Variants in GRM3 observed in about 807,000 individuals in gnomAD.
The protein encoded by GRM3 is metabotropic glutamate receptor 3.
In GRM3, 26 loss-of-function variants were observed where a neutral mutation model predicts 70.5. The observed-to-expected ratio is 0.37, with a 90% CI of 0.27 to 0.51. The LOEUF (loss-of-function observed/expected upper bound fraction) is 0.51, where lower values mean the gene tolerates loss of function less well. Among genes scored for constraint, GRM3 ranks in the 20% least tolerant of loss-of-function variants. The probability of loss-of-function intolerance (pLI) is 0.93; values close to 1 mark genes in which losing one functional copy is unlikely to be tolerated. For synonymous variants in GRM3, 443 were observed against 434.9 expected (o/e 1.02, Z -0.23); for missense variants, 859 against 1,123.8 (o/e 0.76, Z 3.37).
intron 2 of GRM3, among the ~76,000 whole-genome samples, chr7:86,778,101 A>C (rs982273194): frequency 3.9e-5 from 6 of 152,224 alleles, no homozygotes; most frequent in African/African-American, 1.4e-4. Context: ...AACAGCCCCA[A>C]AAAGATAGGT....
intron 1 of GRM3, among the ~76,000 whole-genome samples, chr7:86,736,265 T>C (rs1423580916): frequency 6.6e-6 from 1 of 152,184 alleles, no homozygotes; most frequent in Non-Finnish European, 1.5e-5. Context: ...CAAAGTGATC[T>C]TCAGGGGCCA....
At chr7:86,811,058 A>G (rs1043051852) in intron 3 of GRM3, among the ~76,000 whole-genome samples, 2 of 151,898 alleles carry the variant, frequency 1.3e-5, no homozygotes, top group African/African-American at 4.8e-5. Context: ...ATTTCCCAAA[A>G]CATCAATTTT....
chr7:86,728,717 G>C (rs888135795), intron 1 of GRM3, among the ~76,000 whole-genome samples: 3 of 152,116 alleles, frequency 2.0e-5, no homozygotes, highest in African/African-American at 7.2e-5. Flanking sequence ...GCCACACACA[G>C]AGCAGGGCAT....
chr7:86,688,024 T>C (rs900583452), intron 1 of GRM3, among the ~76,000 whole-genome samples: 2 of 151,516 alleles, frequency 1.3e-5, no homozygotes, highest in African/African-American at 4.8e-5. Context: ...TTAAAAGAGC[T>C]GAATCAGTGA....
At chr7:86,841,514 A>G (rs1224330752) in intron 4 of GRM3, among the ~76,000 whole-genome samples, 1 of 152,134 alleles carries the variant, frequency 6.6e-6, no homozygotes, top group East Asian at 1.9e-4. Flanking sequence ...TTGTCTTTAT[A>G]TATACATCTA....
chr7:86,844,098 G>C (rs976077379), intron 4 of GRM3, among the ~76,000 whole-genome samples: 10 of 152,110 alleles, frequency 6.6e-5, no homozygotes, highest in Non-Finnish European at 8.8e-5. Context: ...ACCTAGAGTA[G>C]GCAGAGTCTT....
chr7:86,686,006 A>G (rs7794411), intron 1 of GRM3, among the ~76,000 whole-genome samples: 18,824 of 152,110 alleles, frequency 0.12, 1,253 homozygotes, highest in African/African-American at 0.17. Context: ...TATCTGGCAA[A>G]TAATGAATGC....
chr7:86,765,464 G>A lies in GRM3; in HGVS notation c.319G>A (p.Glu107Lys), dbSNP rs2116416584. The A allele has an allele frequency of 1.2e-6, 2 of 1,613,910 alleles. No homozygotes were observed. Among genetic ancestry groups the A allele is most frequent in the Non-Finnish European group, 1.7e-6 (2 of 1,179,870 alleles). ...DTCSRDTYAL[E>K]QSLEFVRASL... ...ATGTTCAAGGGATACCTATGCATTG[G>A]AGCAATCACTGGAGTTTGTCAGGGC... is the stretch of plus-strand genomic sequence containing the variant. Residue 107 changes from glutamate to lysine, a missense_variant, in exon 2 of 6, where the codon GAG (glutamate) becomes AAG (lysine). Coordinates refer to ENST00000361669, the MANE Select transcript of GRM3 (RefSeq NM_000840.3).
chr7:86,680,596 AT>A (rs1217494698), intron 1 of GRM3, among the ~76,000 whole-genome samples: 1 of 152,114 alleles, frequency 6.6e-6, no homozygotes, highest in East Asian at 1.9e-4. Context: ...ACAAAAGGAC[AT>A]TTTGTCCTTA....
intron 1 of GRM3, among the ~76,000 whole-genome samples, chr7:86,662,047 C>T (rs1386381481): frequency 6.6e-6 from 1 of 151,776 alleles, no homozygotes. Flanking sequence ...TAGTTGCAAG[C>T]ACACAAACTG....
intron 1 of GRM3, among the ~76,000 whole-genome samples, chr7:86,709,253 C>T (rs7795055): frequency 0.28 from 42,359 of 151,760 alleles, 7,810 homozygotes; most frequent in East Asian, 0.72. Context: ...TTAAGGTCCC[C>T]GTAACCGCAA....
chr7:86,833,789 A>C (rs1357430257), intron 3 of GRM3, among the ~76,000 whole-genome samples: 1 of 152,202 alleles, frequency 6.6e-6, no homozygotes, highest in Non-Finnish European at 1.5e-5. Flanking sequence ...TCTTTATTAC[A>C]AGCTAAGGAG....
chr7:86,783,920 C>A (rs1363355457), intron 2 of GRM3, among the ~76,000 whole-genome samples: 2 of 152,194 alleles, frequency 1.3e-5, no homozygotes, highest in East Asian at 3.8e-4. Context: ...TTTCAACTCA[C>A]CAAATGTGCC....
intron 1 of GRM3, among the ~76,000 whole-genome samples, chr7:86,673,240 C>G (rs1008775250): frequency 4.6e-5 from 7 of 152,166 alleles, no homozygotes; most frequent in Admixed American, 1.3e-4. Flanking sequence ...TAAAGACTTT[C>G]CTCTCTACTC....
chr7:86,826,255 G>T (rs1360329346), intron 3 of GRM3, among the ~76,000 whole-genome samples: 1 of 152,168 alleles, frequency 6.6e-6, no homozygotes, highest in African/African-American at 2.4e-5. Context: ...AATTAAATGG[G>T]AGAAAATTTG....
At chr7:86,756,383 T>C (rs1796345120) in intron 1 of GRM3, among the ~76,000 whole-genome samples, 1 of 152,130 alleles carries the variant, frequency 6.6e-6, no homozygotes, top group Non-Finnish European at 1.5e-5. Flanking sequence ...CTGGCCCTCC[T>C]CTAGCATTTC....
chr7:86,745,075 G>A (rs559764909), intron 1 of GRM3, among the ~76,000 whole-genome samples: 5 of 152,088 alleles, frequency 3.3e-5, no homozygotes, highest in East Asian at 1.9e-4. Context: ...GTTACCTTAC[G>A]GAAATTTCCC....
At chr7:86,678,266 T>C (rs1794354397) in intron 1 of GRM3, among the ~76,000 whole-genome samples, 1 of 152,034 alleles carries the variant, frequency 6.6e-6, no homozygotes, top group African/African-American at 2.4e-5. Flanking sequence ...AAAAGTCACC[T>C]ACAAAAGATA....
chr7:86,655,132 C>A (rs1452464073), intron 1 of GRM3, among the ~76,000 whole-genome samples: 1 of 152,204 alleles, frequency 6.6e-6, no homozygotes, highest in Non-Finnish European at 1.5e-5. Context: ...TCATCCTCAA[C>A]ATGAATATCT....
Sources: gnomAD v4.1 joint callset for allele counts (sites outside exome capture counted in the v4.1 genomes callset) on GRCh38, gnomAD v4.1.1 for gene constraint, MANE v1.5 for transcripts, NCBI Gene and HGNC (gene_info 2026-07-23, HGNC 2026-07-21) for gene names.